Variants in CD3E observed in about 807,000 individuals in gnomAD.
The protein encoded by CD3E is T-cell surface glycoprotein CD3 epsilon chain.
A neutral mutation model predicts 34.7 loss-of-function variants in CD3E; 16 were observed. The ratio of observed to expected loss-of-function variants is 0.46; its 90% CI spans 0.31 to 0.70. CD3E has a LOEUF of 0.70. Among genes scored for constraint, CD3E ranks in the 30% least tolerant of loss-of-function variants. The pLI, the probability that CD3E is intolerant of heterozygous loss-of-function variation, is 0.05. For synonymous variants in CD3E, 70 were observed against 90.8 expected, an observed-to-expected ratio of 0.77 and a Z score of 1.30; for missense variants, 223 against 253.9, an observed-to-expected ratio of 0.88 and a Z score of 0.83.
At chr11:118,308,225 G>A (rs1304775268) in intron 3 of CD3E, among the ~76,000 whole-genome samples, 3 of 152,162 alleles carry the variant, frequency 2.0e-5, no homozygotes, top group Non-Finnish European at 4.4e-5. Flanking sequence ...TGCCTAATTT[G>A]TAGTGTCCTT....
In CD3E at chr11:118,314,534, TGTCCCTC is replaced by T. The variant is rs771892237; in HGVS notation, c.567+41_567+47del. On this transcript the variant is annotated intron_variant, in intron 8 of 8. Coordinates refer to ENST00000361763, the MANE Select transcript of CD3E (RefSeq NM_000733.4). ...AAATGGGCCAGGACGCTGGAGGGGA[TGTCCCTC>T]CAGGGGGGAAGGAAACAGATGGGAT... The T allele has an allele frequency of 9.5e-6, 15 of 1,576,648 alleles. No homozygotes were observed. In the African/African-American group the frequency reaches 2.0e-4, roughly 21 times the overall value.
intron 4 of CD3E, among the ~76,000 whole-genome samples, chr11:118,309,576 A>AAAACAAACAAAC (rs56791413): frequency 2.5e-3 from 386 of 151,522 alleles, no homozygotes; most frequent in African/African-American, 8.0e-3. Flanking sequence ...ACTCTGTCTC[A>AAAACAAACAAAC]AAACAAACAA....
chr11:118,306,963 G>C (rs1290039042), intron 2 of CD3E, among the ~76,000 whole-genome samples: 5 of 152,272 alleles, frequency 3.3e-5, no homozygotes, highest in Non-Finnish European at 5.9e-5. Context: ...TGGAGGCTTG[G>C]GGGCAAAATT....
Position 118,315,980 on chromosome 11 carries a change from C to A in CD3E, c.*438C>A. On this transcript the variant is annotated 3_prime_UTR_variant, in exon 9 of 9. Transcript: ENST00000361763. ...GACTGGGTAAATGTTGACAGAGGCC[C>A]TGCCCCGTTCACAGATCCTGGCCCT... The A allele has an allele frequency of 3.8e-6, 1 of 262,546 alleles. No individual in the cohort carries two copies. Among genetic ancestry groups the A allele is most frequent in the Non-Finnish European group, 7.5e-6 (1 of 134,026 alleles). The allele number at this position is 262,546 out of a possible 1,614,324, so 16.3% of individuals were successfully genotyped here. A position where few individuals can be genotyped will look rare whatever the true frequency, so the allele number is the denominator to read the frequency against.
rs1269118201 is a variant in CD3E at position 118,306,723 on chromosome 11, C to A, written c.50-565C>A. 2.0e-5 allele frequency among the ~76,000 whole-genome samples: 3 copies of A among 151,948 alleles called. No homozygotes were observed. The East Asian group carries it at 5.8e-4, about 29-fold the overall frequency. Reference sequence around the variant, plus strand: ...TCATTGTAATGAATCCAGGGTATTGCTGAGTGAGGGCATCCTGGAGGGCCC... The same window carrying A: ...TCATTGTAATGAATCCAGGGTATTGATGAGTGAGGGCATCCTGGAGGGCCC... On this transcript the variant is annotated intron_variant, in intron 2 of 8. Transcript: ENST00000361763.
intron 6 of CD3E, 119 bp downstream of exon 6, chr11:118,312,985 C>T (rs1479985373): frequency 9.0e-7 from 1 of 1,105,328 alleles, no homozygotes; most frequent in African/African-American, 1.5e-5. Context: ...GCGCTTCCTC[C>T]CACACTCAAT....
chr11:118,312,675 G>C lies in CD3E; in HGVS notation c.161G>C (p.Gly54Ala), dbSNP rs200651235. The C allele has an allele frequency of 6.2e-7, 1 of 1,614,080 alleles. No homozygotes were observed. The highest frequency in any genetic ancestry group is 8.5e-7 in the Non-Finnish European group (1 of 1,179,970). The stretch of plus-strand genomic sequence containing the variant: ...ATATTGACATGCCCTCAGTATCCTG[G>C]ATCTGAAATACTATGGCAACACAAT... ...TVILTCPQYP[G>A]SEILWQHNDK... The change falls in exon 6 of 9, where the codon GGA (glycine) becomes GCA (alanine). Residue 54 changes from glycine to alanine, a missense_variant. Coordinates refer to ENST00000361763, the MANE Select transcript of CD3E (RefSeq NM_000733.4).
rs530715111 is a variant in CD3E, at chr11:118,313,835, C to G, written c.481C>G (p.Pro161Ala). Residue 161 changes from proline (P) to alanine (A), a missense_variant, in exon 7 of 9, where the codon CCT becomes GCT. Physicochemically the swap from Pro to Ala is conservative, Grantham distance 27. Coordinates refer to ENST00000361763, the MANE Select transcript of CD3E (RefSeq NM_000733.4). The part of the protein sequence containing the change: ...WSKNRKAKAK[P>A]VTRGAGAGGR... ...CAAGAATAGAAAGGCCAAGGCCAAG[C>G]CTGTGACACGAGGAGCGGGTGCTGG... 101 of 1,613,980 alleles carry G rather than the reference C, an allele frequency of 6.3e-5. 1 individual carries two copies. In the South Asian group the frequency reaches 8.6e-4, roughly 14 times the overall value.
chr11:118,305,340 C>G lies in CD3E; in HGVS notation c.49+339C>G, dbSNP rs543227035. Among the ~76,000 whole-genome samples the G allele has an allele frequency of 6.6e-5, 10 of 152,338 alleles. 1 individual carries two copies. The South Asian group carries it at 1.7e-3, about 25-fold the overall frequency. ...AGACTGGAAGAGCGAAGCTCCACTC[C>G]TTGTTTTGAAGAGACCAGATACTTG... is the stretch of plus-strand genomic sequence containing the variant. On this transcript the variant is annotated intron_variant, in intron 2 of 8. Transcript: ENST00000361763.
chr11:118,309,560 A>G (rs1321293332), intron 4 of CD3E, among the ~76,000 whole-genome samples: 1 of 150,800 alleles, frequency 6.6e-6, no homozygotes, highest in Non-Finnish European at 1.5e-5. Context: ...TGGGCGACAG[A>G]GCAAGACTCT....
chr11:118,313,041 T>C (rs539076588), intron 6 of CD3E, 175 bp downstream of exon 6: 4 of 750,016 alleles, frequency 5.3e-6, no homozygotes, highest in South Asian at 1.5e-5. Context: ...TTCTGGAATA[T>C]AGATTAAACA....
At chr11:118,309,176 A>T (rs1427966919) in intron 4 of CD3E, among the ~76,000 whole-genome samples, 1 of 152,220 alleles carries the variant, frequency 6.6e-6, no homozygotes. Flanking sequence ...GTGCCACAGC[A>T]TCATCATGGT....
intron 5 of CD3E, 85 bp from the exon 6 acceptor site, chr11:118,312,533 G>A: frequency 6.7e-7 from 1 of 1,484,384 alleles, no homozygotes; most frequent in South Asian, 1.1e-5. Context: ...ATGACTTCCT[G>A]CATTTGGGTG....
chr11:118,313,118 G>C, intron 6 of CD3E: 1 of 528,876 alleles, frequency 1.9e-6, no homozygotes, highest in South Asian at 2.0e-5. Flanking sequence ...CTAAGAGACA[G>C]GACTGGGTCA....
chr11:118,306,920 G>A lies in CD3E; in HGVS notation c.50-368G>A, dbSNP rs539201988. Among the ~76,000 whole-genome samples the A allele has an allele frequency of 1.2e-4, 19 of 152,314 alleles. No individual in the cohort carries two copies. The South Asian group carries it at 3.3e-3, about 27-fold the overall frequency. ...CCAGTGTTTGTACCCAACCAAGAGCGTGTTTTTCTTCCACAGACACCAATG... is the reference window on the plus strand; with the variant it reads ...CCAGTGTTTGTACCCAACCAAGAGCATGTTTTTCTTCCACAGACACCAATG... On this transcript the variant is annotated intron_variant, in intron 2 of 8. Transcript: ENST00000361763.
rs948135069 is a variant in CD3E, at chr11:118,307,436, C to T, written c.70+128C>T. On this transcript the variant is annotated intron_variant, in intron 3 of 8. Transcript: ENST00000361763. ...GGTCAGGAAAAGGAGTTTCTGCCAT[C>T]TACCCCTTTGACTTTCCTCACAAGT... 1.5e-5 allele frequency: 12 copies of T among 783,010 alleles called. No homozygotes were observed. In the African/African-American group the frequency reaches 2.1e-4, roughly 13 times the overall value. 48.5% of individuals were successfully genotyped at this position (783,010 alleles called of 1,614,324 possible).
intron 6 of CD3E, 166 bp downstream of exon 6, chr11:118,313,032 T>C (rs1948145097): frequency 2.5e-6 from 2 of 790,842 alleles, no homozygotes; most frequent in Non-Finnish European, 4.3e-6. Context: ...ATCAGTGTTT[T>C]CTGGAATATA....
intron 2 of CD3E, among the ~76,000 whole-genome samples, chr11:118,305,531 T>C (rs1948100961): frequency 6.6e-6 from 1 of 152,210 alleles, no homozygotes; most frequent in Non-Finnish European, 1.5e-5. Flanking sequence ...CATTTCTGTA[T>C]CTCATATGAG....
rs944780357 is a variant in CD3E, at chr11:118,313,958, T to C, written c.520+84T>C. On this transcript the variant is annotated intron_variant, in intron 7 of 8. Transcript: ENST00000361763. ...CCAGGGTGGGTGGCAAGTCCACAGCTAGGTCAGAACAGCTTCTCTAGAGCT... is the reference window on the plus strand; with the variant it reads ...CCAGGGTGGGTGGCAAGTCCACAGCCAGGTCAGAACAGCTTCTCTAGAGCT... The C allele has an allele frequency of 7.9e-6, 11 of 1,385,250 alleles. No homozygotes were observed. The East Asian group carries it at 2.1e-4, about 27-fold the overall frequency. The allele number at this position is 1,385,250 out of a possible 1,614,324, so 85.8% of individuals were successfully genotyped here. A position where few individuals can be genotyped will look rare whatever the true frequency, so the allele number is the denominator to read the frequency against.
Sources: allele counts gnomAD v4.1 joint callset (sites outside exome capture counted in the v4.1 genomes callset), GRCh38; gene constraint gnomAD v4.1.1; transcripts MANE v1.5; gene names NCBI Gene and HGNC (gene_info 2026-07-23, HGNC 2026-07-21).